GANAB: variants seen among roughly 807,000 people sequenced by gnomAD.
The protein encoded by GANAB is neutral alpha-glucosidase AB.
GANAB carries 35 observed loss-of-function variants against 129.9 expected under a neutral mutation model. That is an observed-to-expected ratio of 0.27 (90% CI 0.21 to 0.36). The LOEUF (loss-of-function observed/expected upper bound fraction) is 0.36. Among genes scored for constraint, GANAB ranks in the 10% least tolerant of loss-of-function variants. The probability of loss-of-function intolerance (pLI) is 1.00; values close to 1 mark genes in which losing one functional copy is unlikely to be tolerated. For missense variants in GANAB, 939 were observed against 1,221.0 expected (o/e 0.77, Z 3.44); for synonymous variants, 482 against 451.8 (o/e 1.07, Z -0.85).
rs759558087 is a variant in GANAB, at chr11:62,639,440, G to C, written c.171C>G (p.Leu57=). 10 of 1,613,728 alleles carry C rather than the reference G, an allele frequency of 6.2e-6. No homozygotes were observed. The East Asian group carries it at 1.1e-4, about 18-fold the overall frequency. Residue 57 remains leucine (L), a synonymous_variant, in exon 3 of 24, where the codon CTC becomes CTG. Transcript: ENST00000356638. ...AGTCCAGCAAGGCTCGGTATGGAGA[G>C]AGGCCTGGCCGTATGCTTCTCTGTC... ...CKRQRSIRPG[L]SPYRALLDSL...
At chr11:62,640,832 CAAAAA>C (rs36113826) in intron 1 of GANAB, among the ~76,000 whole-genome samples, 1 of 74,766 alleles carries the variant, frequency 1.3e-5, no homozygotes, top group African/African-American at 5.0e-5. Context: ...AACTCCCTCT[CAAAAA>C]AAAAAAAAAA....
At chr11:62,629,995 A>G (rs752315840) in intron 13 of GANAB, 38 bp from the exon 14 acceptor site, 43 of 1,605,480 alleles carry the variant, frequency 2.7e-5, no homozygotes, top group Non-Finnish European at 3.3e-5. Flanking sequence ...AGAAGGACAG[A>G]GGGGAGGAAG....
chr11:62,634,749 C>T, intron 5 of GANAB, 72 bp downstream of exon 5: 1 of 1,263,896 alleles, frequency 7.9e-7, no homozygotes, highest in African/African-American at 1.5e-5. Flanking sequence ...CGTCTCCTCC[C>T]CGTGCCAGAC....
chr11:62,634,392 T>C (rs1943840128), intron 5 of GANAB: 27 of 1,573,128 alleles, frequency 1.7e-5, no homozygotes, highest in South Asian at 3.3e-5. Context: ...CAGGAGGAGA[T>C]GGGTAGGGAA....
chr11:62,626,615 T>TA lies in GANAB; in HGVS notation c.2466dup (p.Met823TyrfsTer4). 6.2e-7 allele frequency: 1 copy of TA among 1,612,306 alleles called. No individual in the cohort carries two copies. Among genetic ancestry groups the TA allele is most frequent in the Non-Finnish European group, 8.5e-7 (1 of 1,178,582 alleles). On this transcript the variant is annotated frameshift_variant, in exon 21 of 24. Transcript: ENST00000356638. LOFTEE classifies it high-confidence loss of function. ...AAGAGAGTGATGGGGTCATCCTTCA[T>TA]ACATTCTGAAGACCGCCGCACTCGC... is the stretch of plus-strand genomic sequence containing the variant.
At chr11:62,639,528 T>A in intron 2 of GANAB, 61 bp from the exon 3 acceptor site, 1 of 1,458,680 alleles carries the variant, frequency 6.9e-7, no homozygotes, top group Non-Finnish European at 9.6e-7. Flanking sequence ...TAAGTCAGTC[T>A]ATCACCTGCA....
intron 5 of GANAB, chr11:62,634,321 G>T: frequency 6.2e-7 from 1 of 1,606,468 alleles, no homozygotes; most frequent in Non-Finnish European, 8.5e-7. Flanking sequence ...TAGAGAAAAG[G>T]TTCTTGATCT....
In GANAB at chr11:62,636,520, A is replaced by T. The variant is rs530325529; in HGVS notation, c.381-1520T>A. Among the ~76,000 whole-genome samples, 29 of 152,198 alleles carry T rather than the reference A, an allele frequency of 1.9e-4. No individual in the cohort carries two copies. In the South Asian group the frequency reaches 3.9e-3, roughly 21 times the overall value. ...AAAGCAAAAGTGTTAGAAGAAAATT[A>T]AAAAATATATTTTTGGCCAGGCATG... is the stretch of plus-strand genomic sequence containing the variant. On this transcript the variant is annotated intron_variant, in intron 4 of 23. Coordinates refer to ENST00000356638, the MANE Select transcript of GANAB (RefSeq NM_198334.3).
intron 1 of GANAB, among the ~76,000 whole-genome samples, chr11:62,643,815 C>G: frequency 6.6e-6 from 1 of 152,074 alleles, no homozygotes; most frequent in African/African-American, 2.4e-5. Flanking sequence ...GACTCTGTCT[C>G]AAAAACAAGA....
chr11:62,643,997 T>C (rs565479682), intron 1 of GANAB, among the ~76,000 whole-genome samples: 1 of 152,250 alleles, frequency 6.6e-6, no homozygotes, highest in Admixed American at 6.5e-5. Flanking sequence ...CATGCTGGAG[T>C]GCAATGGCAC....
intron 16 of GANAB, 58 bp from the exon 17 acceptor site, chr11:62,629,070 T>G: frequency 1.3e-6 from 2 of 1,595,414 alleles, no homozygotes; most frequent in Non-Finnish European, 1.7e-6. Flanking sequence ...AGATACTGCT[T>G]GAGAAACTTC....
chr11:62,638,619 G>C (rs148641656), intron 4 of GANAB, among the ~76,000 whole-genome samples: 7 of 76,750 alleles, frequency 9.1e-5, no homozygotes, highest in Non-Finnish European at 1.8e-4. Flanking sequence ...AGGAAGGAAG[G>C]AAGGAAGGAA....
At chr11:62,636,608 A>G (rs1331255369) in intron 4 of GANAB, among the ~76,000 whole-genome samples, 2 of 152,146 alleles carry the variant, frequency 1.3e-5, no homozygotes, top group African/African-American at 4.8e-5. Flanking sequence ...TGAGGTCAGG[A>G]GTTTGAGACC....
chr11:62,638,131 G>A (rs1944032504), intron 4 of GANAB, among the ~76,000 whole-genome samples: 1 of 152,162 alleles, frequency 6.6e-6, no homozygotes, highest in Non-Finnish European at 1.5e-5. Flanking sequence ...ACAGGACAGT[G>A]CGGGTTGGGC....
At chr11:62,643,651 T>C (rs1000728814) in intron 1 of GANAB, among the ~76,000 whole-genome samples, 6 of 150,462 alleles carry the variant, frequency 4.0e-5, no homozygotes, top group South Asian at 4.2e-4. Context: ...TAGAAAAAAA[T>C]AGATATATAC....
chr11:62,628,843 G>A lies in GANAB; in HGVS notation c.2106C>T (p.Gly702=), dbSNP rs138897700. The change falls in exon 17 of 24, where the codon GGC becomes GGT. Residue 702 remains glycine (G), a synonymous_variant. Transcript: ENST00000356638. ...QHNDIIRDAL[G]QRYSLLPFWY... ...AGAAGGGCAGCAAAGAATATCGCTG[G>A]CCCAAGGCATCTCGGATTATATCAT... 1.2e-4 allele frequency: 197 copies of A among 1,613,872 alleles called. No homozygotes were observed. The highest frequency in any genetic ancestry group is 1.2e-3 in the Middle Eastern group (7 of 6,084).
chr11:62,646,358 C>A (rs1351378199), intron 1 of GANAB, among the ~76,000 whole-genome samples: 5 of 152,208 alleles, frequency 3.3e-5, no homozygotes, highest in Non-Finnish European at 7.3e-5. Flanking sequence ...GGGCGGGAGC[C>A]CGGAGCCCCA....
chr11:62,632,450 G>A (rs1014433690), intron 9 of GANAB, 115 bp downstream of exon 9: 40 of 764,618 alleles, frequency 5.2e-5, no homozygotes, highest in East Asian at 4.9e-4. Context: ...TGCCCACCAG[G>A]CCCACAGCCC....
rs201521946 is a variant in GANAB at position 62,634,868 on chromosome 11, A to G, written c.513T>C (p.Asn171=). Residue 171 remains asparagine, a synonymous_variant, in exon 5 of 24, where the codon AAT becomes AAC. Coordinates refer to ENST00000356638, the MANE Select transcript of GANAB (RefSeq NM_198334.3). ...GCTCAAACTCCAAGAGTCCTCGGGC[A>G]TTGACACTAAGCAAAAGACTTCGGT... ...LEDRSLLLSV[N]ARGLLEFEHQ... is the part of the protein sequence containing the mutation. The G allele has an allele frequency of 1.4e-5, 23 of 1,614,126 alleles. No individual in the cohort carries two copies. In the East Asian group the frequency reaches 2.7e-4, roughly 19 times the overall value.
Sources: allele counts gnomAD v4.1 joint callset (sites outside exome capture counted in the v4.1 genomes callset), GRCh38; gene constraint gnomAD v4.1.1; transcripts MANE v1.5; gene names NCBI Gene and HGNC (gene_info 2026-07-23, HGNC 2026-07-21).